The following ODAD2 variants were observed in gnomAD, a reference collection of about 807,000 sequenced individuals.
ODAD2 encodes outer dynein arm docking complex subunit 2.
In ODAD2, 89 loss-of-function variants were observed where a neutral mutation model predicts 106.8. The observed-to-expected ratio is 0.83, with a 90% confidence interval of 0.70 to 0.99. The LOEUF (loss-of-function observed/expected upper bound fraction) is 0.99. Ranked by LOEUF, ODAD2 falls within the 50% of genes least tolerant of loss-of-function variation. The pLI, the probability that ODAD2 is intolerant of heterozygous loss-of-function variation, is 0.00. For missense variants in ODAD2, 1,168 were observed against 1,238.5 expected (o/e 0.94, Z 0.85); for synonymous variants, 404 against 436.2 (o/e 0.93, Z 0.92).
chr10:27,930,366 T>A (rs887866999), intron 16 of ODAD2, among the ~76,000 whole-genome samples: 7 of 151,946 alleles, frequency 4.6e-5, no homozygotes, highest in South Asian at 2.1e-4. Flanking sequence ...TACAAAAAAA[T>A]TTTTTGAAAA....
chr10:27,987,627 T>G (rs1201934575), intron 2 of ODAD2, 84 bp from the exon 3 acceptor site: 1 of 863,026 alleles, frequency 1.2e-6, no homozygotes. Context: ...AGACAGATTA[T>G]TCCTATATCT....
chr10:27,839,287 C>T (rs1056780208), intron 19 of ODAD2, among the ~76,000 whole-genome samples: 24 of 152,252 alleles, frequency 1.6e-4, no homozygotes, highest in Non-Finnish European at 1.0e-4. Flanking sequence ...ATATGACACG[C>T]GGCAGCAAGT....
chr10:27,996,857 G>A (rs1850583740), intron 1 of ODAD2, among the ~76,000 whole-genome samples: 1 of 152,166 alleles, frequency 6.6e-6, no homozygotes, highest in African/African-American at 2.4e-5. Context: ...GTGTAAGGCT[G>A]GACATCTGAC....
chr10:27,961,817 T>G, intron 9 of ODAD2, 102 bp from the exon 10 acceptor site: 1 of 980,340 alleles, frequency 1.0e-6, no homozygotes, highest in Non-Finnish European at 1.5e-6. Flanking sequence ...ATAATCTCAG[T>G]GCTTTGGGAG....
chr10:27,891,124 T>C (rs1475610544), intron 17 of ODAD2, among the ~76,000 whole-genome samples: 1 of 152,184 alleles, frequency 6.6e-6, no homozygotes. Context: ...GTTGGGCAGC[T>C]GAAGTTAAAC....
intron 2 of ODAD2, among the ~76,000 whole-genome samples, chr10:27,994,685 AC>A (rs1230563708): frequency 3.9e-5 from 6 of 152,178 alleles, no homozygotes; most frequent in Admixed American, 3.9e-4. Context: ...AAAGAAATTT[AC>A]CCACAAAAAT....
At position 27,987,379 on chromosome 10, in the gene ODAD2, A is replaced by G; in HGVS notation, c.382+7T>C. On this transcript the variant is annotated splice_region_variant and intron_variant, in intron 3 of 19. Coordinates refer to ENST00000305242, the MANE Select transcript of ODAD2 (RefSeq NM_018076.5). Reference sequence around the variant, plus strand: ...GTTCAAATCACAGACTGGAGCATTAAGATCACCTTCAACACATGCTTGGGC... The same window carrying G: ...GTTCAAATCACAGACTGGAGCATTAGGATCACCTTCAACACATGCTTGGGC... 1 of 1,609,338 alleles carries G rather than the reference A, an allele frequency of 6.2e-7. No individual in the cohort carries two copies. The highest frequency in any genetic ancestry group is 1.1e-5 in the South Asian group (1 of 89,806).
In ODAD2 at chr10:27,944,907, A is replaced by C. The variant is rs1004493356; in HGVS notation, c.1442T>G (p.Leu481Ter). 2 of 1,614,170 alleles carry C rather than the reference A, an allele frequency of 1.2e-6. No individual in the cohort carries two copies. Among genetic ancestry groups the C allele is most frequent in the Non-Finnish European group, 1.7e-6 (2 of 1,179,996 alleles). ...IALCSMRDFSLAQETCQLAIR... is the reference protein window; with the variant it reads ...IALCSMRDFS ...GGCCAACTGGCAGGTTTCTTGAGCT[A>C]AGCTGAAATCCCTCATTGAACACAA... Residue 481 changes from leucine to a stop codon, truncating the protein, a stop_gained, in exon 11 of 20, where the codon TTA becomes TGA. Coordinates refer to ENST00000305242, the MANE Select transcript of ODAD2 (RefSeq NM_018076.5). LOFTEE classifies it high-confidence loss of function.
chr10:27,955,533 C>A (rs1847663279), intron 10 of ODAD2, among the ~76,000 whole-genome samples: 1 of 152,106 alleles, frequency 6.6e-6, no homozygotes, highest in African/African-American at 2.4e-5. Flanking sequence ...AGCTTTTCCA[C>A]CAATGAAACA....
intron 2 of ODAD2, among the ~76,000 whole-genome samples, chr10:27,989,295 T>A (rs1333501210): frequency 6.6e-6 from 1 of 152,176 alleles, no homozygotes; most frequent in Non-Finnish European, 1.5e-5. Context: ...ACTGCCCCTA[T>A]CACCAGCACT....
intron 3 of ODAD2, 146 bp from the exon 4 acceptor site, chr10:27,985,357 T>C (rs1323224554): frequency 1.5e-6 from 1 of 657,266 alleles, no homozygotes; most frequent in African/African-American, 1.8e-5. Context: ...TTAGAATTCA[T>C]CTCTACGTCT....
At chr10:27,904,957 C>T (rs568475036) in intron 17 of ODAD2, 1 of 152,350 alleles carries the variant, frequency 6.6e-6, no homozygotes, top group South Asian at 2.1e-4. Flanking sequence ...AGTCCTTTAA[C>T]ATAAATATTG....
chr10:27,837,785 G>A (rs956394952), intron 19 of ODAD2, among the ~76,000 whole-genome samples: 2 of 152,304 alleles, frequency 1.3e-5, no homozygotes, highest in African/African-American at 4.8e-5. Flanking sequence ...AATGAACACA[G>A]CATCCGCAAG....
At position 27,942,073 on chromosome 10, in the gene ODAD2, G is replaced by A. The variant is rs145321572; in HGVS notation, c.1744-1268C>T. ...GGAACGTGGGAAAAATTCTAAGACC[G>A]TGGGATTGAACACAGATGCACAACA... is the stretch of plus-strand genomic sequence containing the variant. On this transcript the variant is annotated intron_variant, in intron 12 of 19. Coordinates refer to ENST00000305242, the MANE Select transcript of ODAD2 (RefSeq NM_018076.5). 1.6e-3 allele frequency among the ~76,000 whole-genome samples: 243 copies of A among 152,284 alleles called. 1 individual carries two copies. Among genetic ancestry groups the A allele is most frequent in the African/African-American group, 5.6e-3 (233 of 41,560 alleles).
At chr10:27,953,885 C>G (rs888591656) in intron 10 of ODAD2, among the ~76,000 whole-genome samples, 2 of 152,238 alleles carry the variant, frequency 1.3e-5, no homozygotes, top group Non-Finnish European at 2.9e-5. Flanking sequence ...CTGCTATGTC[C>G]TGTGTCACAG....
intron 17 of ODAD2, among the ~76,000 whole-genome samples, chr10:27,885,547 TAAATATATAAATATAA>T (rs1167988337): frequency 0.09 from 1,484 of 16,494 alleles, 172 homozygotes; most frequent in Middle Eastern, 0.12. Context: ...TATATATATA[TAAATATATAAATATAA>T]ATATATATAT....
intron 19 of ODAD2, among the ~76,000 whole-genome samples, chr10:27,820,589 C>T (rs1370730509): frequency 2.0e-5 from 3 of 151,934 alleles, no homozygotes; most frequent in Non-Finnish European, 4.4e-5. Context: ...TTTTATGACT[C>T]TATTCTATAA....
intron 17 of ODAD2, among the ~76,000 whole-genome samples, chr10:27,887,174 A>T (rs1261833933): frequency 2.6e-5 from 4 of 152,004 alleles, no homozygotes; most frequent in Admixed American, 6.6e-5. Context: ...GAAATAGGAC[A>T]TTCCATGCAA....
chr10:27,825,587 TTTTGG>T (rs1470426966), intron 19 of ODAD2, among the ~76,000 whole-genome samples: 1 of 152,190 alleles, frequency 6.6e-6, no homozygotes, highest in Non-Finnish European at 1.5e-5. Context: ...TATGAAAATG[TTTTGG>T]TTTGGTTGTT....
Sources: gnomAD v4.1 joint callset for allele counts (sites outside exome capture counted in the v4.1 genomes callset) on GRCh38, gnomAD v4.1.1 for gene constraint, MANE v1.5 for transcripts, NCBI Gene and HGNC (gene_info 2026-07-23, HGNC 2026-07-21) for gene names.